Variants in GABBR2 observed in about 807,000 individuals in gnomAD.
The protein encoded by GABBR2 is G-protein coupled receptor 51.
GABBR2 carries 23 observed loss-of-function variants against 105.6 expected under a neutral mutation model. The ratio of observed to expected loss-of-function variants is 0.22; its 90% CI spans 0.16 to 0.31. GABBR2 has a LOEUF of 0.31. GABBR2 is among the 10% of genes least tolerant of loss of function. GABBR2 has a pLI of 1.00. For missense variants in GABBR2, 734 were observed against 1,245.5 expected (o/e 0.59, Z 6.18); for synonymous variants, 478 against 499.7 (o/e 0.96, Z 0.58).
At chr9:98,498,081 A>G (rs989961146) in intron 3 of GABBR2, among the ~76,000 whole-genome samples, 2 of 152,262 alleles carry the variant, frequency 1.3e-5, no homozygotes, top group African/African-American at 4.8e-5. Flanking sequence ...CACATGCTAC[A>G]ACATGGATGA....
chr9:98,681,600 AG>A (rs199583726), intron 1 of GABBR2, among the ~76,000 whole-genome samples: 3 of 152,042 alleles, frequency 2.0e-5, no homozygotes, highest in Non-Finnish European at 2.9e-5. Flanking sequence ...AAATTTAAAA[AG>A]ATATTTGTGA....
chr9:98,421,769 T>C (rs191528277), intron 7 of GABBR2, among the ~76,000 whole-genome samples: 16 of 152,314 alleles, frequency 1.1e-4, no homozygotes, highest in Non-Finnish European at 2.2e-4. Flanking sequence ...CAGATGACAG[T>C]TGGAAAACTG....
chr9:98,558,695 A>G (rs1223272728), intron 2 of GABBR2, among the ~76,000 whole-genome samples: 1 of 152,162 alleles, frequency 6.6e-6, no homozygotes, highest in African/African-American at 2.4e-5. Flanking sequence ...GCCCACAGCC[A>G]CTCAAACCCT....
At chr9:98,357,808 C>T (rs1019783610) in intron 13 of GABBR2, among the ~76,000 whole-genome samples, 4 of 152,064 alleles carry the variant, frequency 2.6e-5, no homozygotes, top group African/African-American at 7.2e-5. Flanking sequence ...TCCTATCCTG[C>T]CCACCAAGAA....
In GABBR2 at chr9:98,472,727, G is replaced by T. The variant is rs532199178; in HGVS notation, c.999+419C>A. 7.2e-5 allele frequency among the ~76,000 whole-genome samples: 11 copies of T among 152,246 alleles called. No homozygotes were observed. In the East Asian group the frequency reaches 2.1e-3, roughly 29 times the overall value. ...AATTGGGGTTTGACGCAGTCTGGCAGCTCTACAGCATGTGTTTCCCAAAGT... is the reference window on the plus strand; with the variant it reads ...AATTGGGGTTTGACGCAGTCTGGCATCTCTACAGCATGTGTTTCCCAAAGT... On this transcript the variant is annotated intron_variant, in intron 6 of 18. Transcript: ENST00000259455.
At chr9:98,413,090 A>T (rs1215825510) in intron 7 of GABBR2, among the ~76,000 whole-genome samples, 1 of 152,208 alleles carries the variant, frequency 6.6e-6, no homozygotes, top group Non-Finnish European at 1.5e-5. Flanking sequence ...GTGAACCTTC[A>T]GACAGCCAAG....
chr9:98,389,054 C>T (rs762400408), intron 9 of GABBR2, 50 bp from the exon 10 acceptor site: 18 of 1,532,716 alleles, frequency 1.2e-5, no homozygotes, highest in African/African-American at 4.1e-5. Context: ...AGTCATTCCC[C>T]GAGAACACCT....
At position 98,514,148 on chromosome 9, in the gene GABBR2, G is replaced by A. The variant is rs1588206350; in HGVS notation, c.631-17634C>T. Among the ~76,000 whole-genome samples the A allele has an allele frequency of 4.5e-5, 6 of 132,442 alleles. 1 individual carries two copies. The highest frequency in any genetic ancestry group is 3.9e-4 in the East Asian group (2 of 5,098). The allele number at this position is 132,442 out of a possible 152,430, so 86.9% of individuals were successfully genotyped here. On this transcript the variant is annotated intron_variant, in intron 3 of 18. Transcript: ENST00000259455. Reference sequence around the variant, plus strand: ...AAATCATCATTCTCAGTAAACTATCGCAAGAACAAAAAACCAAACACCGCA... The same window carrying A: ...AAATCATCATTCTCAGTAAACTATCACAAGAACAAAAAACCAAACACCGCA...
intron 3 of GABBR2, among the ~76,000 whole-genome samples, chr9:98,505,423 G>GGTGTGTGTGTGTGTGTGT (rs59702034): frequency 1.3e-5 from 2 of 148,392 alleles, no homozygotes; most frequent in Admixed American, 6.7e-5. Context: ...GCTGTATCCA[G>GGTGTGTGTGTGTGTGTGT]GTGTGTGTGT....
chr9:98,449,614 A>G (rs1826198213), intron 7 of GABBR2, among the ~76,000 whole-genome samples: 1 of 152,226 alleles, frequency 6.6e-6, no homozygotes, highest in Non-Finnish European at 1.5e-5. Context: ...GAAGATTCTC[A>G]TGCCTTTAGA....
At chr9:98,473,816 T>G (rs1040294361) in intron 5 of GABBR2, among the ~76,000 whole-genome samples, 3 of 152,230 alleles carry the variant, frequency 2.0e-5, no homozygotes, top group African/African-American at 7.2e-5. Flanking sequence ...ATGGAGAGGA[T>G]ACTGTCAAAT....
At chr9:98,360,096 G>C (rs115954829) in intron 13 of GABBR2, among the ~76,000 whole-genome samples, 1 of 152,124 alleles carries the variant, frequency 6.6e-6, no homozygotes, top group African/African-American at 2.4e-5. Context: ...CACACAGGGT[G>C]TCTGAAGTAG....
At chr9:98,593,779 G>A (rs35835340) in intron 1 of GABBR2, among the ~76,000 whole-genome samples, 18,641 of 152,230 alleles carry the variant, frequency 0.12, 1,511 homozygotes, top group Middle Eastern at 0.23. Flanking sequence ...GGGCTGTAGG[G>A]TGGGTCCTCA....
intron 1 of GABBR2, among the ~76,000 whole-genome samples, chr9:98,593,383 G>C (rs534549699): frequency 6.6e-6 from 1 of 152,298 alleles, no homozygotes; most frequent in African/African-American, 2.4e-5. Context: ...GTGAGGAAGG[G>C]CAGGGCGTGG....
chr9:98,471,617 T>C (rs1294460359), intron 6 of GABBR2, among the ~76,000 whole-genome samples: 13 of 152,228 alleles, frequency 8.5e-5, no homozygotes. Context: ...TAGTGTCTCA[T>C]GGCTCTCATC....
chr9:98,687,363 G>T (rs1830632569), intron 1 of GABBR2, among the ~76,000 whole-genome samples: 2 of 152,056 alleles, frequency 1.3e-5, no homozygotes, highest in Non-Finnish European at 2.9e-5. Flanking sequence ...ATCACCTGAG[G>T]CTTGTGAAGG....
At chr9:98,507,510 C>T (rs1402385731) in intron 3 of GABBR2, among the ~76,000 whole-genome samples, 1 of 152,148 alleles carries the variant, frequency 6.6e-6, no homozygotes, top group African/African-American at 2.4e-5. Flanking sequence ...TCAAGAACAC[C>T]TTGATATTGA....
intron 1 of GABBR2, among the ~76,000 whole-genome samples, chr9:98,629,178 T>A (rs1056462736): frequency 6.6e-6 from 1 of 152,200 alleles, no homozygotes; most frequent in African/African-American, 2.4e-5. Context: ...AGGAATTCAT[T>A]TGTACTTAAT....
chr9:98,427,383 T>G (rs1457494825), intron 7 of GABBR2, among the ~76,000 whole-genome samples: 3 of 152,194 alleles, frequency 2.0e-5, no homozygotes, highest in Non-Finnish European at 4.4e-5. Context: ...CACAGTTTCT[T>G]ATATTTACAG....
Sources: allele counts gnomAD v4.1 joint callset (sites outside exome capture counted in the v4.1 genomes callset), GRCh38; gene constraint gnomAD v4.1.1; transcripts MANE v1.5; gene names NCBI Gene and HGNC (gene_info 2026-07-23, HGNC 2026-07-21).